The following MSRA variants were observed in gnomAD, a reference collection of about 807,000 sequenced individuals.
MSRA encodes methionine sulfoxide reductase A, also known as mitochondrial peptide methionine sulfoxide reductase.
MSRA carries 54 observed loss-of-function variants against 31.3 expected under a neutral mutation model. That is an observed-to-expected ratio of 1.73 (90% CI 1.39 to 2.17). The LOEUF (loss-of-function observed/expected upper bound fraction) is 2.17, where lower values mean the gene tolerates loss of function less well. MSRA is among the 30% of genes most tolerant of loss of function. The pLI, the probability that MSRA is intolerant of heterozygous loss-of-function variation, is 0.00. For synonymous variants in MSRA, 169 were observed against 116.5 expected, an observed-to-expected ratio of 1.45 and a Z score of -2.90; for missense variants, 507 against 300.9, an observed-to-expected ratio of 1.69 and a Z score of -5.07.
chr8:10,342,784 A>G (rs1277350190), intron 5 of MSRA, among the ~76,000 whole-genome samples: 1 of 152,234 alleles, frequency 6.6e-6, no homozygotes, highest in Non-Finnish European at 1.5e-5. Flanking sequence ...GCTTCTGCCC[A>G]GTGGGCTTGC....
intron 1 of MSRA, among the ~76,000 whole-genome samples, chr8:10,173,129 T>A (rs1162815547): frequency 6.6e-6 from 1 of 152,258 alleles, no homozygotes; most frequent in Non-Finnish European, 1.5e-5. Context: ...CTTTTTCTGT[T>A]CAAAGTCTTC....
chr8:10,401,692 A>T lies in MSRA; in HGVS notation c.544-26456A>T, dbSNP rs1044576686. ...CATCAGATGAATGGGTAAAAAAAAA[A>T]TGTGACTTATAGATACGCAATGGAC... is the stretch of plus-strand genomic sequence containing the variant. On this transcript the variant is annotated intron_variant, in intron 5 of 5. Transcript: ENST00000317173. 4.9e-4 allele frequency among the ~76,000 whole-genome samples: 74 copies of T among 150,218 alleles called. 1 individual carries two copies. Among genetic ancestry groups the T allele is most frequent in the African/African-American group, 1.7e-3 (70 of 40,948 alleles).
rs115196287 is a variant in MSRA at position 10,153,800 on chromosome 8, A to G, written c.143-54033A>G. On this transcript the variant is annotated intron_variant, in intron 1 of 5. Transcript: ENST00000317173. Reference sequence around the variant, plus strand: ...CAACAGCTTCAGAAAAAAATTCTAGAGCTAGAACATGCAGTTGGTTTTCAA... The same window carrying G: ...CAACAGCTTCAGAAAAAAATTCTAGGGCTAGAACATGCAGTTGGTTTTCAA... Among the ~76,000 whole-genome samples, 1,338 of 152,298 alleles carry G rather than the reference A, an allele frequency of 8.8e-3. 23 individuals are homozygous for G. Among genetic ancestry groups the G allele is most frequent in the African/African-American group, 0.028 (1,164 of 41,558 alleles).
intron 1 of MSRA, among the ~76,000 whole-genome samples, chr8:10,203,963 A>G (rs1808725440): frequency 6.6e-6 from 1 of 151,858 alleles, no homozygotes; most frequent in Non-Finnish European, 1.5e-5. Flanking sequence ...TTTAAAAAGT[A>G]AAAAATGAAA....
intron 1 of MSRA, among the ~76,000 whole-genome samples, chr8:10,084,117 C>T (rs898868183): frequency 5.3e-5 from 8 of 152,236 alleles, no homozygotes; most frequent in Admixed American, 1.3e-4. Context: ...GGCATTTCAG[C>T]GACCCTGCTG....
chr8:10,185,507 G>GT (rs35959348), intron 1 of MSRA, among the ~76,000 whole-genome samples: 53,378 of 151,632 alleles, frequency 0.35, 10,067 homozygotes, highest in East Asian at 0.5. Flanking sequence ...AATCAGCTCT[G>GT]GGCACAGCTT....
intron 1 of MSRA, among the ~76,000 whole-genome samples, chr8:10,167,303 G>A (rs877390): frequency 0.056 from 8,579 of 152,208 alleles, 414 homozygotes; most frequent in African/African-American, 0.12. Flanking sequence ...GTCCATTTCT[G>A]TTGTGCTGAA....
chr8:10,215,679 C>T (rs761013846), intron 2 of MSRA, among the ~76,000 whole-genome samples: 3 of 152,222 alleles, frequency 2.0e-5, no homozygotes, highest in African/African-American at 7.2e-5. Context: ...CAGGCTCACT[C>T]TCACCATGTG....
intron 1 of MSRA, among the ~76,000 whole-genome samples, chr8:10,071,982 G>A (rs536391888): frequency 8.5e-5 from 13 of 152,094 alleles, no homozygotes; most frequent in Admixed American, 4.6e-4. Context: ...GGGGTCCCTC[G>A]TGGCTGCCCG....
chr8:10,288,599 C>G (rs1800063057), intron 3 of MSRA, among the ~76,000 whole-genome samples: 1 of 152,172 alleles, frequency 6.6e-6, no homozygotes, highest in South Asian at 2.1e-4. Context: ...GGAGGCAAGG[C>G]CAAGACTTTC....
intron 3 of MSRA, among the ~76,000 whole-genome samples, chr8:10,291,653 G>C (rs1800242580): frequency 6.6e-6 from 1 of 151,986 alleles, no homozygotes; most frequent in Admixed American, 6.6e-5. Flanking sequence ...GAAAAGGGGA[G>C]GTATTATTCA....
chr8:10,406,032 T>G (rs1489767942), intron 5 of MSRA, among the ~76,000 whole-genome samples: 1 of 152,230 alleles, frequency 6.6e-6, no homozygotes, highest in Non-Finnish European at 1.5e-5. Flanking sequence ...CTGCAGTGAG[T>G]GTGCTTTCCA....
At chr8:10,226,345 C>G (rs1317540784) in intron 2 of MSRA, among the ~76,000 whole-genome samples, 1 of 152,218 alleles carries the variant, frequency 6.6e-6, no homozygotes, top group South Asian at 2.1e-4. Context: ...TGTTTTACTG[C>G]TTGTCAAGAA....
chr8:10,258,644 A>T (rs751321663), intron 3 of MSRA, among the ~76,000 whole-genome samples: 2 of 152,218 alleles, frequency 1.3e-5, no homozygotes, highest in Non-Finnish European at 2.9e-5. Flanking sequence ...GAGGAGTTGG[A>T]GAATATCATG....
chr8:10,086,734 AG>A lies in MSRA; in HGVS notation c.142+32078del, dbSNP rs1195167851. Reference sequence around the variant, plus strand: ...TCTAACCTCATATTTCACACATAGCAGGTACTCAGTAAATACTTAATAAATC... The same window carrying A: ...TCTAACCTCATATTTCACACATAGCAGTACTCAGTAAATACTTAATAAATC... On this transcript the variant is annotated intron_variant, in intron 1 of 5. Coordinates refer to ENST00000317173, the MANE Select transcript of MSRA (RefSeq NM_012331.5). 3.2e-5 allele frequency among the ~76,000 whole-genome samples: 3 copies of A among 93,356 alleles called. No homozygotes were observed. The African/African-American group carries it at 3.5e-4, about 11-fold the overall frequency. 61.2% of individuals were successfully genotyped at this position (93,356 alleles called of 152,430 possible). A position where few individuals can be genotyped will look rare whatever the true frequency, so the allele number is the denominator to read the frequency against.
At chr8:10,226,201 A>T (rs531119236) in intron 2 of MSRA, among the ~76,000 whole-genome samples, 11 of 152,224 alleles carry the variant, frequency 7.2e-5, no homozygotes, top group Non-Finnish European at 1.6e-4. Context: ...AACACTGAGT[A>T]TCTCAAACCA....
intron 1 of MSRA, among the ~76,000 whole-genome samples, chr8:10,085,355 C>G (rs1370311203): frequency 1.3e-5 from 2 of 152,234 alleles, no homozygotes; most frequent in African/African-American, 4.8e-5. Flanking sequence ...CCAGGCCTCT[C>G]TTCTTCCTCC....
intron 1 of MSRA, among the ~76,000 whole-genome samples, chr8:10,181,906 C>T (rs902854853): frequency 5.3e-5 from 8 of 152,102 alleles, no homozygotes; most frequent in South Asian, 2.1e-4. Context: ...GGCTCAACTT[C>T]GTGATTGGTG....
intron 1 of MSRA, among the ~76,000 whole-genome samples, chr8:10,085,487 A>T (rs1021825978): frequency 6.6e-6 from 1 of 152,124 alleles, no homozygotes; most frequent in Non-Finnish European, 1.5e-5. Flanking sequence ...GATGAGCGGA[A>T]CCTCTTTTAG....
Sources: gnomAD v4.1 joint callset for allele counts (sites outside exome capture counted in the v4.1 genomes callset) on GRCh38, gnomAD v4.1.1 for gene constraint, MANE v1.5 for transcripts, NCBI Gene and HGNC (gene_info 2026-07-23, HGNC 2026-07-21) for gene names.